Variants in NLGN1 observed in about 807,000 individuals in gnomAD.
NLGN1 encodes neuroligin-1.
Under a neutral mutation model 65.5 loss-of-function variants are expected in NLGN1, and 12 were observed. That is an observed-to-expected ratio of 0.18 (90% CI 0.12 to 0.30). The LOEUF (loss-of-function observed/expected upper bound fraction) is 0.30. NLGN1 is among the 10% of genes least tolerant of loss of function. NLGN1 has a pLI of 1.00. For missense variants in NLGN1, 750 were observed against 1,007.1 expected, an observed-to-expected ratio of 0.74 and a Z score of 3.46; for synonymous variants, 350 against 359.5, an observed-to-expected ratio of 0.97 and a Z score of 0.30.
chr3:174,203,713 T>C (rs1734916771), intron 4 of NLGN1, among the ~76,000 whole-genome samples: 1 of 152,220 alleles, frequency 6.6e-6, no homozygotes, highest in South Asian at 2.1e-4. Flanking sequence ...GTTTGTGTAA[T>C]TGTAGCTCAT....
intron 4 of NLGN1, among the ~76,000 whole-genome samples, chr3:174,031,102 C>G (rs1452147271): frequency 6.6e-6 from 1 of 152,096 alleles, no homozygotes. Flanking sequence ...AAGTTTATAC[C>G]CTTCAGAAAG....
chr3:173,877,407 TC>T (rs1732347761), intron 4 of NLGN1, among the ~76,000 whole-genome samples: 1 of 151,516 alleles, frequency 6.6e-6, no homozygotes, highest in Non-Finnish European at 1.5e-5. Context: ...TGAGAAACTG[TC>T]AGAGACTGGA....
intron 3 of NLGN1, among the ~76,000 whole-genome samples, chr3:173,634,786 T>G (rs1756313136): frequency 1.3e-5 from 2 of 152,152 alleles, no homozygotes; most frequent in Non-Finnish European, 2.9e-5. Flanking sequence ...AGGTAGTTTC[T>G]TCCCTGGGTG....
intron 4 of NLGN1, among the ~76,000 whole-genome samples, chr3:173,890,067 C>T (rs1393207259): frequency 6.6e-6 from 1 of 151,864 alleles, no homozygotes; most frequent in Non-Finnish European, 1.5e-5. Flanking sequence ...TTTCTGATGA[C>T]CCAGTAATCA....
rs572907443 is a variant in NLGN1 at position 174,095,533 on chromosome 3, C to CTA, written c.647-179767_647-179766dup. ...GGTGACACACACATCCATTATATATCTATATATATATATATAAAACGTGTG... is the reference window on the plus strand; with the variant it reads ...GGTGACACACACATCCATTATATATCTATATATATATATATATAAAACGTGTG... On this transcript the variant is annotated intron_variant, in intron 4 of 6. Coordinates refer to ENST00000457714, the Ensembl canonical transcript of NLGN1. Among the ~76,000 whole-genome samples the CTA allele has an allele frequency of 1.4e-3, 180 of 127,186 alleles. 1 individual carries two copies. The highest frequency in any genetic ancestry group is 0.012 in the South Asian group (50 of 4,260). 83.4% of individuals were successfully genotyped at this position (127,186 alleles called of 152,430 possible).
At chr3:173,866,544 C>T (rs922739271) in intron 4 of NLGN1, among the ~76,000 whole-genome samples, 2 of 152,128 alleles carry the variant, frequency 1.3e-5, no homozygotes, top group African/African-American at 4.8e-5. Flanking sequence ...CTATTATGAG[C>T]AAAACTATTT....
At chr3:173,463,667 G>T (rs1178257988) in intron 2 of NLGN1, among the ~76,000 whole-genome samples, 1 of 152,098 alleles carries the variant, frequency 6.6e-6, no homozygotes, top group Non-Finnish European at 1.5e-5. Flanking sequence ...GGGATTCCTG[G>T]TATCCTTTCA....
intron 4 of NLGN1, among the ~76,000 whole-genome samples, chr3:174,065,664 G>C (rs1020010141): frequency 6.6e-6 from 1 of 151,746 alleles, no homozygotes; most frequent in Non-Finnish European, 1.5e-5. Flanking sequence ...CTTGCTTCTA[G>C]TGAATAGAAT....
At chr3:173,561,330 T>C (rs1020061433) in intron 2 of NLGN1, among the ~76,000 whole-genome samples, 1 of 152,192 alleles carries the variant, frequency 6.6e-6, no homozygotes, top group Admixed American at 6.5e-5. Flanking sequence ...CTTGGTTCCA[T>C]ATGTGGTTGT....
exon 7 of NLGN1, chr3:174,286,355 G>A (rs764804582): frequency 6.6e-6 from 1 of 151,362 alleles, no homozygotes; most frequent in Non-Finnish European, 1.5e-5. Flanking sequence ...TAAGAAATTG[G>A]TAAAGGTACC....
chr3:173,999,001 A>T (rs1722789970), intron 4 of NLGN1, among the ~76,000 whole-genome samples: 1 of 152,196 alleles, frequency 6.6e-6, no homozygotes, highest in East Asian at 1.9e-4. Flanking sequence ...GCACACACCA[A>T]CAAAGGAAAC....
At chr3:173,402,598 C>T (rs1204721614) in intron 1 of NLGN1, among the ~76,000 whole-genome samples, 2 of 152,228 alleles carry the variant, frequency 1.3e-5, no homozygotes, top group South Asian at 2.1e-4. Flanking sequence ...TACGACTTCA[C>T]TGTAAATCTC....
At chr3:173,772,844 A>G (rs1023342633) in intron 3 of NLGN1, among the ~76,000 whole-genome samples, 6 of 151,494 alleles carry the variant, frequency 4.0e-5, no homozygotes, top group African/African-American at 1.5e-4. Context: ...AGGCTGCCAG[A>G]CTCCTCCTCC....
In NLGN1 at chr3:173,924,319, A is replaced by C. The variant is rs1742612464; in HGVS notation, c.646+116487A>C. On this transcript the variant is annotated intron_variant, in intron 4 of 6. Transcript: ENST00000457714. Reference sequence around the variant, plus strand: ...TTTAAGACCTGATAAAGGTCTCTCAAACGTGAAAAATGTATTTCATTAAAA... The same window carrying C: ...TTTAAGACCTGATAAAGGTCTCTCACACGTGAAAAATGTATTTCATTAAAA... Among the ~76,000 whole-genome samples, 4 of 152,252 alleles carry C rather than the reference A, an allele frequency of 2.6e-5. No individual in the cohort carries two copies. The South Asian group carries it at 6.2e-4, about 24-fold the overall frequency.
At chr3:173,833,499 T>A (rs776454371) in intron 4 of NLGN1, among the ~76,000 whole-genome samples, 3 of 152,008 alleles carry the variant, frequency 2.0e-5, no homozygotes, top group Non-Finnish European at 2.9e-5. Flanking sequence ...GTAGTCATAG[T>A]TTATCCTCTA....
chr3:174,065,329 C>T (rs1206225993), intron 4 of NLGN1, among the ~76,000 whole-genome samples: 1 of 151,900 alleles, frequency 6.6e-6, no homozygotes, highest in Non-Finnish European at 1.5e-5. Flanking sequence ...GAGAAAGAGA[C>T]AGATTAAGGG....
chr3:174,070,576 C>T (rs1267476315), intron 4 of NLGN1, among the ~76,000 whole-genome samples: 1 of 151,900 alleles, frequency 6.6e-6, no homozygotes, highest in Non-Finnish European at 1.5e-5. Flanking sequence ...GTGATCTGCC[C>T]ACCTCAGCAA....
Position 173,769,032 on chromosome 3 carries a change from C to T in NLGN1, c.494-38648C>T, listed in dbSNP as rs1019927994. ...CGATCCACCCTATCAGCCTCCCAAA[C>T]TACTGGGATTACAGGCCCAGCCTCA... On this transcript the variant is annotated intron_variant, in intron 3 of 6. Transcript: ENST00000457714. 7.2e-5 allele frequency among the ~76,000 whole-genome samples: 11 copies of T among 152,266 alleles called. No individual in the cohort carries two copies. In the East Asian group the frequency reaches 2.1e-3, roughly 29 times the overall value.
chr3:174,215,472 C>T (rs1457768289), intron 4 of NLGN1, among the ~76,000 whole-genome samples: 1 of 152,122 alleles, frequency 6.6e-6, no homozygotes, highest in Admixed American at 6.6e-5. Flanking sequence ...GAATGCTTCC[C>T]TTCATCTGAA....
Sources: allele counts gnomAD v4.1 joint callset (sites outside exome capture counted in the v4.1 genomes callset), GRCh38; gene constraint gnomAD v4.1.1; transcripts MANE v1.5; gene names NCBI Gene and HGNC (gene_info 2026-07-23, HGNC 2026-07-21).